The following GPC6 variants were observed in gnomAD, a reference collection of about 807,000 sequenced individuals.
The protein encoded by GPC6 is glypican-6.
In GPC6, 14 loss-of-function variants were observed where a neutral mutation model predicts 55.2. The ratio of observed to expected loss-of-function variants is 0.25; its 90% CI spans 0.17 to 0.40. The LOEUF (loss-of-function observed/expected upper bound fraction) is 0.40, where lower values mean the gene tolerates loss of function less well. Ranked by LOEUF, GPC6 falls within the 10% of genes least tolerant of loss-of-function variation. The pLI is 1.00. For synonymous variants in GPC6, 278 were observed against 259.6 expected (o/e 1.07, Z -0.68); for missense variants, 641 against 708.5 (o/e 0.90, Z 1.08).
At chr13:93,233,047 T>G (rs757016823) in intron 1 of GPC6, among the ~76,000 whole-genome samples, 9 of 152,204 alleles carry the variant, frequency 5.9e-5, no homozygotes, top group Non-Finnish European at 1.3e-4. Flanking sequence ...TTAAACTTGG[T>G]GATTTTATTT....
At chr13:93,691,479 G>GT (rs66475646) in intron 2 of GPC6, among the ~76,000 whole-genome samples, 104,975 of 147,812 alleles carry the variant, frequency 0.71, 40,000 homozygotes, top group Middle Eastern at 0.88. Flanking sequence ...GCTTGCCATG[G>GT]TTTTTTTTTT....
intron 4 of GPC6, among the ~76,000 whole-genome samples, chr13:94,235,702 A>T (rs1455514569): frequency 6.7e-6 from 1 of 150,264 alleles, no homozygotes; most frequent in Non-Finnish European, 1.5e-5. Context: ...ACAGCATCCT[A>T]CCTCCTAATG....
intron 4 of GPC6, among the ~76,000 whole-genome samples, chr13:94,122,345 C>G (rs1303390168): frequency 6.6e-6 from 1 of 152,018 alleles, no homozygotes; most frequent in Non-Finnish European, 1.5e-5. Context: ...ATTGTTCTGC[C>G]TGCATCTAAA....
intron 2 of GPC6, among the ~76,000 whole-genome samples, chr13:93,751,430 A>C (rs1022807461): frequency 2.6e-5 from 4 of 151,892 alleles, no homozygotes; most frequent in African/African-American, 9.7e-5. Context: ...CAAGGTTTTC[A>C]GAAAAAAGAA....
intron 4 of GPC6, among the ~76,000 whole-genome samples, chr13:94,210,048 A>G (rs945205457): frequency 3.3e-5 from 5 of 151,924 alleles, no homozygotes; most frequent in African/African-American, 1.2e-4. Flanking sequence ...GGATCTTGCC[A>G]TGATTCACAG....
rs148428200 is a variant in GPC6, at chr13:93,990,960, A to AGAAGGAAGGAAGGAAGGAAGGAAGGAAG, written c.712-36768_712-36741dup. 1.6e-3 allele frequency among the ~76,000 whole-genome samples: 239 copies of AGAAGGAAGGAAGGAAGGAAGGAAGGAAG among 150,408 alleles called. 1 individual carries two copies. Among genetic ancestry groups the AGAAGGAAGGAAGGAAGGAAGGAAGGAAG allele is most frequent in the African/African-American group, 5.7e-3 (230 of 40,672 alleles). ...GAGGAGGAAGGAAGGAAGGAAGGAA[A>AGAAGGAAGGAAGGAAGGAAGGAAGGAAG]GAAGGAAGGAAGGAAGGAAGGAAGG... is the stretch of plus-strand genomic sequence containing the variant. On this transcript the variant is annotated intron_variant, in intron 3 of 8. Coordinates refer to ENST00000377047, the MANE Select transcript of GPC6 (RefSeq NM_005708.5).
At chr13:93,411,952 A>C (rs568163018) in intron 1 of GPC6, among the ~76,000 whole-genome samples, 16 of 151,918 alleles carry the variant, frequency 1.1e-4, no homozygotes, top group African/African-American at 3.9e-4. Flanking sequence ...GCAGTGAGCC[A>C]AGATCATGCC....
At chr13:93,475,325 T>C (rs1052367788) in intron 1 of GPC6, among the ~76,000 whole-genome samples, 3 of 152,252 alleles carry the variant, frequency 2.0e-5, no homozygotes, top group African/African-American at 7.2e-5. Context: ...AAATTATTAA[T>C]GTTAATTACT....
intron 3 of GPC6, among the ~76,000 whole-genome samples, chr13:93,962,347 G>A (rs1414367799): frequency 2.0e-5 from 3 of 152,008 alleles, no homozygotes; most frequent in Non-Finnish European, 4.4e-5. Context: ...TCGCATGAAA[G>A]GATACAGAAA....
intron 2 of GPC6, among the ~76,000 whole-genome samples, chr13:93,794,275 GT>G (rs1886134385): frequency 6.6e-6 from 1 of 152,190 alleles, no homozygotes; most frequent in Non-Finnish European, 1.5e-5. Context: ...ACTGGAAGAT[GT>G]TACTATATAG....
At chr13:94,193,324 C>T (rs1193815376) in intron 4 of GPC6, among the ~76,000 whole-genome samples, 1 of 151,942 alleles carries the variant, frequency 6.6e-6, no homozygotes, top group Non-Finnish European at 1.5e-5. Flanking sequence ...TCAGAGTCAC[C>T]GAAGATGAAA....
intron 6 of GPC6, among the ~76,000 whole-genome samples, chr13:94,339,096 G>C (rs1199482950): frequency 6.6e-6 from 1 of 151,632 alleles, no homozygotes; most frequent in African/African-American, 2.4e-5. Flanking sequence ...ACGGGGTCTT[G>C]CTCTGTCATC....
At chr13:93,806,199 C>G (rs1199651037) in intron 2 of GPC6, among the ~76,000 whole-genome samples, 1 of 152,152 alleles carries the variant, frequency 6.6e-6, no homozygotes, top group East Asian at 1.9e-4. Flanking sequence ...GGTTCTTAAG[C>G]CACACCTTGG....
chr13:93,377,670 G>A (rs1237723726), intron 1 of GPC6, among the ~76,000 whole-genome samples: 3 of 152,166 alleles, frequency 2.0e-5, no homozygotes, highest in Non-Finnish European at 4.4e-5. Context: ...TTGGTTTGAT[G>A]CAAATAAATT....
At chr13:93,663,410 A>G (rs2139616158) in intron 2 of GPC6, among the ~76,000 whole-genome samples, 1 of 152,304 alleles carries the variant, frequency 6.6e-6, no homozygotes, top group Non-Finnish European at 1.5e-5. Context: ...TTTTAAATAA[A>G]ATCTAGCAGA....
chr13:94,125,757 G>T (rs1164039466), intron 4 of GPC6, among the ~76,000 whole-genome samples: 2 of 150,930 alleles, frequency 1.3e-5, no homozygotes, highest in Non-Finnish European at 2.9e-5. Context: ...GTTAAATGAA[G>T]TCAGCAAAGA....
At chr13:93,386,522 C>T (rs867706230) in intron 1 of GPC6, among the ~76,000 whole-genome samples, 2 of 152,154 alleles carry the variant, frequency 1.3e-5, no homozygotes, top group African/African-American at 2.4e-5. Context: ...TAAATCTACC[C>T]AGCTTCTTAA....
chr13:93,295,290 C>CAAAAAAAAAAAAAAAAAAAAAAAAA (rs67379652), intron 1 of GPC6, among the ~76,000 whole-genome samples: 3 of 66,686 alleles, frequency 4.5e-5, no homozygotes, highest in African/African-American at 2.3e-4. Flanking sequence ...GACCCTGTCT[C>CAAAAAAAAAAAAAAAAAAAAAAAAA]AAAAAAAAAA....
chr13:93,303,778 C>T (rs1046458816), intron 1 of GPC6, among the ~76,000 whole-genome samples: 16 of 151,532 alleles, frequency 1.1e-4, no homozygotes, highest in Admixed American at 7.2e-4. Context: ...GAGAAAAGAA[C>T]ATTTGAGTAG....
Sources: gnomAD v4.1 joint callset for allele counts (sites outside exome capture counted in the v4.1 genomes callset) on GRCh38, gnomAD v4.1.1 for gene constraint, MANE v1.5 for transcripts, NCBI Gene and HGNC (gene_info 2026-07-23, HGNC 2026-07-21) for gene names.